C3orf49: variants seen among roughly 807,000 people sequenced by gnomAD.
C3orf49 encodes chromosome 3 open reading frame 49, also known as putative uncharacterized protein C3orf49.
A neutral mutation model predicts 13.3 loss-of-function variants in C3orf49; 27 were observed. That is an observed-to-expected ratio of 2.02 (90% CI 1.49 to 2.79). The LOEUF is 2.79. Ranked by LOEUF, C3orf49 falls within the 30% of genes most tolerant of loss-of-function variation. The probability of loss-of-function intolerance (pLI) is 0.00; values close to 1 mark genes in which losing one functional copy is unlikely to be tolerated. For missense variants in C3orf49, 242 were observed against 134.2 expected (o/e 1.80, Z -3.97); for synonymous variants, 87 against 47.6 (o/e 1.83, Z -3.40).
the C3orf49 span, among the ~76,000 whole-genome samples, chr3:63,790,596 C>G: frequency 2.8e-3 from 196 of 70,090 alleles, no homozygotes; most frequent in Admixed American, 2.3e-3. Flanking sequence ...GCACATCTAC[C>G]TCTTTTTTTT....
chr3:63,835,387 T>G lies in C3orf49; in HGVS notation c.849+3543T>G, dbSNP rs775302763. 1.1e-5 allele frequency: 17 copies of G among 1,613,102 alleles called. No homozygotes were observed. Among genetic ancestry groups the G allele is most frequent in the Non-Finnish European group, 1.4e-5 (16 of 1,179,650 alleles). On this transcript the variant is annotated intron_variant, in intron 5 of 6. Coordinates refer to ENST00000295896, the MANE Select transcript of C3orf49 (RefSeq NM_001355236.2). ...CTAATTCTTTTCCCAGAGCCTCTAGTTCCCTGGAAATAATAAAACAGTGTT... is the reference window on the plus strand; with the variant it reads ...CTAATTCTTTTCCCAGAGCCTCTAGGTCCCTGGAAATAATAAAACAGTGTT...
chr3:63,792,636 T>C, the C3orf49 span, among the ~76,000 whole-genome samples: 8 of 152,288 alleles, frequency 5.3e-5, no homozygotes, highest in African/African-American at 1.9e-4. Context: ...GAGTCTATTA[T>C]GAATTAAGAA....
chr3:63,834,010 A>G, intron 5 of C3orf49: 1 of 838,742 alleles, frequency 1.2e-6, no homozygotes, highest in Non-Finnish European at 1.8e-6. Flanking sequence ...ATACATTCAT[A>G]CTTAAAAACA....
intron 3 of C3orf49, among the ~76,000 whole-genome samples, chr3:63,828,986 T>C (rs564389811): frequency 2.8e-4 from 42 of 152,272 alleles, no homozygotes; most frequent in African/African-American, 9.6e-4. Flanking sequence ...GAAGTGCAGT[T>C]CCCCAGTTGC....
chr3:63,810,421 T>G, the C3orf49 span, among the ~76,000 whole-genome samples: 1 of 152,228 alleles, frequency 6.6e-6, no homozygotes, highest in Non-Finnish European at 1.5e-5. Context: ...TAGTAGGCAC[T>G]TAATAGAGAT....
chr3:63,822,838 A>G (rs1701416066), intron 1 of C3orf49, among the ~76,000 whole-genome samples: 1 of 152,226 alleles, frequency 6.6e-6, no homozygotes, highest in Non-Finnish European at 1.5e-5. Flanking sequence ...AAACTGCCAA[A>G]TCTAGCAAAA....
upstream of C3orf49, among the ~76,000 whole-genome samples, chr3:63,814,595 C>T (rs1400935759): frequency 6.6e-6 from 1 of 152,022 alleles, no homozygotes; most frequent in Non-Finnish European, 1.5e-5. Flanking sequence ...CTACAGCTGG[C>T]TTTTTGGCTT....
At chr3:63,846,188 A>G (rs1235102872) in intron 6 of C3orf49, 1 of 452,292 alleles carries the variant, frequency 2.2e-6, no homozygotes, top group Non-Finnish European at 4.4e-6. Context: ...CTAAATATTC[A>G]GTCTGCTTTG....
intron 5 of C3orf49, among the ~76,000 whole-genome samples, chr3:63,838,908 T>C (rs892419680): frequency 6.6e-6 from 1 of 152,182 alleles, no homozygotes; most frequent in Non-Finnish European, 1.5e-5. Flanking sequence ...TAAATAAATA[T>C]AGTTAGGCGT....
the C3orf49 span, among the ~76,000 whole-genome samples, chr3:63,787,386 A>G: frequency 6.6e-6 from 1 of 152,110 alleles, no homozygotes; most frequent in Non-Finnish European, 1.5e-5. Context: ...TTATATATAA[A>G]TATATATGAT....
chr3:63,785,713 G>T, the C3orf49 span, among the ~76,000 whole-genome samples: 1 of 152,048 alleles, frequency 6.6e-6, no homozygotes, highest in South Asian at 2.1e-4. Context: ...TCCACAGCAG[G>T]ATGCAAATGC....
chr3:63,823,684 G>A (rs924639999), intron 2 of C3orf49, 115 bp downstream of exon 2: 1 of 608,492 alleles, frequency 1.6e-6, no homozygotes, highest in Non-Finnish European at 2.9e-6. Flanking sequence ...CTGAAATGCA[G>A]AATCTCAGGC....
chr3:63,801,247 A>G, the C3orf49 span, among the ~76,000 whole-genome samples: 1 of 152,168 alleles, frequency 6.6e-6, no homozygotes, highest in Non-Finnish European at 1.5e-5. Flanking sequence ...GGCCACTCCA[A>G]TATCTGAGCC....
the C3orf49 span, among the ~76,000 whole-genome samples, chr3:63,788,581 G>A: frequency 6.6e-6 from 1 of 152,028 alleles, no homozygotes; most frequent in Admixed American, 6.6e-5. Flanking sequence ...CTAAAATGGA[G>A]CCCTGAGAAC....
chr3:63,802,895 CACAG>C, the C3orf49 span, among the ~76,000 whole-genome samples: 4 of 152,012 alleles, frequency 2.6e-5, no homozygotes, highest in Admixed American at 6.6e-5. Context: ...CACACACATA[CACAG>C]ACACACACAC....
At chr3:63,783,566 A>ACACACACAC in the C3orf49 span, among the ~76,000 whole-genome samples, 1 of 145,514 alleles carries the variant, frequency 6.9e-6, no homozygotes, top group Non-Finnish European at 1.5e-5. Context: ...ACACACACAC[A>ACACACACAC]AATTAGCCAG....
At chr3:63,846,468 C>T (rs780404959) in intron 6 of C3orf49, among the ~76,000 whole-genome samples, 1 of 152,086 alleles carries the variant, frequency 6.6e-6, no homozygotes, top group Non-Finnish European at 1.5e-5. Context: ...AGTGCAAGGG[C>T]GCAATCTTGG....
intron 2 of C3orf49, 135 bp downstream of exon 2, chr3:63,823,704 G>A (rs1316734083): frequency 3.6e-5 from 22 of 606,848 alleles, no homozygotes; most frequent in Middle Eastern, 5.5e-4. Context: ...CCCTACCTGG[G>A]ACCTTCTGAG....
At chr3:63,820,838 G>C (rs1701383688) in intron 1 of C3orf49, among the ~76,000 whole-genome samples, 1 of 152,022 alleles carries the variant, frequency 6.6e-6, no homozygotes, top group Non-Finnish European at 1.5e-5. Flanking sequence ...GGATGAAATT[G>C]AATAGCACCC....
Sources: gnomAD v4.1 joint callset for allele counts (sites outside exome capture counted in the v4.1 genomes callset) on GRCh38, gnomAD v4.1.1 for gene constraint, MANE v1.5 for transcripts, NCBI Gene and HGNC (gene_info 2026-07-23, HGNC 2026-07-21) for gene names.